The following LCLAT1 variants were observed in gnomAD, a reference collection of about 807,000 sequenced individuals.
The protein encoded by LCLAT1 is 1-AGP acyltransferase 8.
In LCLAT1, 11 loss-of-function variants were observed where a neutral mutation model predicts 30.7. The ratio of observed to expected loss-of-function variants is 0.36; its 90% CI spans 0.23 to 0.59. The LOEUF is 0.59. LCLAT1 is among the 20% of genes least tolerant of loss of function. LCLAT1 has a pLI of 0.77. For synonymous variants in LCLAT1, 155 were observed against 151.3 expected (o/e 1.02, Z -0.18); for missense variants, 402 against 458.6 (o/e 0.88, Z 1.13).
At position 30,598,723 on chromosome 2, in the gene LCLAT1, T is replaced by C. The variant is rs972018884; in HGVS notation, c.628+30547T>C. ...TGGAGTGTGTTTGCTCTTGGTTCTC[T>C]AGTTCTTTTAGTTGTGATGTTAGGA... On this transcript the variant is annotated intron_variant, in intron 5 of 5. Coordinates refer to ENST00000379509, the MANE Select transcript of LCLAT1 (RefSeq NM_001002257.3). Among the ~76,000 whole-genome samples, 13 of 152,186 alleles carry C rather than the reference T, an allele frequency of 8.5e-5. 1 individual carries two copies. Among genetic ancestry groups the C allele is most frequent in the Admixed American group, 5.9e-4 (9 of 15,282 alleles).
intron 5 of LCLAT1, among the ~76,000 whole-genome samples, chr2:30,599,658 G>T (rs926487697): frequency 1.4e-5 from 2 of 139,574 alleles, no homozygotes; most frequent in African/African-American, 5.5e-5. Flanking sequence ...ATATAGGATA[G>T]TTAGCTCTGC....
chr2:30,605,904 G>C, intron 5 of LCLAT1: 25 of 608,786 alleles, frequency 4.1e-5, no homozygotes, highest in Non-Finnish European at 5.7e-5. Flanking sequence ...TCAGGCATTA[G>C]TTAGATTCTC....
chr2:30,463,839 C>A (rs914185621), intron 1 of LCLAT1, among the ~76,000 whole-genome samples: 7 of 152,154 alleles, frequency 4.6e-5, no homozygotes, highest in Non-Finnish European at 1.0e-4. Context: ...GCATAATATT[C>A]CAGTTATATG....
At chr2:30,634,442 A>G (rs749112888) in intron 5 of LCLAT1, among the ~76,000 whole-genome samples, 1 of 152,170 alleles carries the variant, frequency 6.6e-6, no homozygotes, top group African/African-American at 2.4e-5. Context: ...CCTGGCCAAC[A>G]TGGTGAAACC....
intron 5 of LCLAT1, among the ~76,000 whole-genome samples, chr2:30,568,980 A>G (rs1363885013): frequency 6.6e-6 from 1 of 152,108 alleles, no homozygotes; most frequent in African/African-American, 2.4e-5. Context: ...ATAGAGAAAT[A>G]TAACGATCTG....
chr2:30,475,522 A>C (rs1683003342), intron 1 of LCLAT1, among the ~76,000 whole-genome samples: 1 of 152,206 alleles, frequency 6.6e-6, no homozygotes, highest in Non-Finnish European at 1.5e-5. Context: ...ACTGACCTAT[A>C]CAACAACATT....
chr2:30,615,030 A>C (rs1238939035), intron 5 of LCLAT1, among the ~76,000 whole-genome samples: 1 of 152,156 alleles, frequency 6.6e-6, no homozygotes, highest in East Asian at 1.9e-4. Flanking sequence ...TCGAGAGAGA[A>C]ATGAAAGAGG....
At chr2:30,551,381 T>C (rs1558513576) in intron 3 of LCLAT1, among the ~76,000 whole-genome samples, 1 of 152,208 alleles carries the variant, frequency 6.6e-6, no homozygotes, top group Non-Finnish European at 1.5e-5. Context: ...ACTTATTTTT[T>C]TGGCACTTTA....
chr2:30,568,665 G>C (rs985194833), intron 5 of LCLAT1, among the ~76,000 whole-genome samples: 1 of 150,350 alleles, frequency 6.7e-6, no homozygotes. Context: ...CCACCACCAC[G>C]CCCAGCTAAT....
At chr2:30,524,993 G>A (rs1685639385) in intron 1 of LCLAT1, among the ~76,000 whole-genome samples, 1 of 151,148 alleles carries the variant, frequency 6.6e-6, no homozygotes, top group African/African-American at 2.4e-5. Context: ...TATTTTATGA[G>A]TTTGTGTTAG....
chr2:30,466,400 G>T (rs1234294646), intron 1 of LCLAT1, among the ~76,000 whole-genome samples: 7 of 151,746 alleles, frequency 4.6e-5, no homozygotes, highest in Non-Finnish European at 2.9e-5. Context: ...GACCCTTTCT[G>T]TGTGTTGTTA....
intron 1 of LCLAT1, among the ~76,000 whole-genome samples, chr2:30,461,191 C>T (rs1682103767): frequency 6.6e-6 from 1 of 152,124 alleles, no homozygotes; most frequent in Admixed American, 6.6e-5. Context: ...GGAAACCTTG[C>T]TCTTTAACTT....
intron 1 of LCLAT1, among the ~76,000 whole-genome samples, chr2:30,508,352 G>T (rs1338402043): frequency 1.3e-5 from 2 of 151,964 alleles, no homozygotes; most frequent in African/African-American, 4.8e-5. Context: ...TGAAATCTTT[G>T]CCAGTTCCTA....
chr2:30,639,108 A>G (rs1040085120), intron 5 of LCLAT1, among the ~76,000 whole-genome samples: 5 of 152,290 alleles, frequency 3.3e-5, no homozygotes, highest in African/African-American at 9.6e-5. Context: ...TACAGAATTG[A>G]GTTTAAATTC....
intron 3 of LCLAT1, among the ~76,000 whole-genome samples, chr2:30,538,175 G>A (rs1309337669): frequency 2.6e-5 from 4 of 151,998 alleles, no homozygotes; most frequent in African/African-American, 9.7e-5. Context: ...AACTAGGAAA[G>A]CAAGAACAAA....
At chr2:30,603,676 T>C (rs566976596) in intron 5 of LCLAT1, among the ~76,000 whole-genome samples, 125 of 152,102 alleles carry the variant, frequency 8.2e-4, no homozygotes, top group African/African-American at 3.0e-3. Context: ...GAAAACAACA[T>C]ATGAATAGAA....
intron 5 of LCLAT1, among the ~76,000 whole-genome samples, chr2:30,633,520 T>C (rs1668867950): frequency 6.6e-6 from 1 of 152,036 alleles, no homozygotes; most frequent in Non-Finnish European, 1.5e-5. Context: ...AACTCATCTC[T>C]ACTAAAAACA....
chr2:30,453,310 C>G (rs937024309), intron 1 of LCLAT1, among the ~76,000 whole-genome samples: 2 of 152,146 alleles, frequency 1.3e-5, no homozygotes, highest in South Asian at 4.1e-4. Context: ...CTTCCAGCTC[C>G]ATGTGACTGG....
Position 30,641,690 on chromosome 2 carries a change from A to T in LCLAT1, c.*1071A>T, listed in dbSNP as rs1202455381. 6.6e-6 allele frequency: 1 copy of T among 151,900 alleles called. No homozygotes were observed. Among genetic ancestry groups the T allele is most frequent in the Non-Finnish European group, 1.5e-5 (1 of 68,036 alleles). 9.4% of individuals were successfully genotyped at this position (151,900 alleles called of 1,614,324 possible). A position where few individuals can be genotyped will look rare whatever the true frequency, so the allele number is the denominator to read the frequency against. Reference sequence around the variant, plus strand: ...AATGAAACACAAAAATTAATCCTTAATAATGATAGCAAGTGATCTTTCTTT... The same window carrying T: ...AATGAAACACAAAAATTAATCCTTATTAATGATAGCAAGTGATCTTTCTTT... On this transcript the variant is annotated 3_prime_UTR_variant, in exon 6 of 6. Transcript: ENST00000379509.
Sources: allele counts gnomAD v4.1 joint callset (sites outside exome capture counted in the v4.1 genomes callset), GRCh38; gene constraint gnomAD v4.1.1; transcripts MANE v1.5; gene names NCBI Gene and HGNC (gene_info 2026-07-23, HGNC 2026-07-21).